CLCN1: variants seen among roughly 807,000 people sequenced by gnomAD.
CLCN1 encodes chloride voltage-gated channel 1, also known as chloride channel protein 1.
CLCN1 carries 100 observed loss-of-function variants against 114.5 expected under a neutral mutation model. The ratio of observed to expected loss-of-function variants is 0.87; its 90% confidence interval spans 0.74 to 1.03. CLCN1 has a LOEUF of 1.03. CLCN1 is among the 50% of genes least tolerant of loss of function. CLCN1 has a pLI of 0.00. For missense variants in CLCN1, 1,188 were observed against 1,250.0 expected (o/e 0.95, Z 0.75); for synonymous variants, 485 against 487.1 (o/e 1.00, Z 0.06).
intron 1 of CLCN1, among the ~76,000 whole-genome samples, chr7:143,317,020 C>G (rs1026540829): frequency 2.6e-5 from 4 of 152,130 alleles, no homozygotes; most frequent in African/African-American, 9.7e-5. Flanking sequence ...CAGAAGCATG[C>G]AGGCTAATTA....
At chr7:143,336,015 G>T (rs1339811928) in intron 12 of CLCN1, among the ~76,000 whole-genome samples, 1 of 152,124 alleles carries the variant, frequency 6.6e-6, no homozygotes, top group Non-Finnish European at 1.5e-5. Flanking sequence ...TTAATCTCAT[G>T]ACGTGGAAAG....
rs143825889 is a variant in CLCN1 at position 143,342,073 on chromosome 7, C to G, written c.1727C>G (p.Ser576Cys). The G allele has an allele frequency of 5.0e-6, 8 of 1,614,090 alleles. No individual in the cohort carries two copies. Among genetic ancestry groups the G allele is most frequent in the African/African-American group, 1.3e-5 (1 of 74,930 alleles). The change falls in exon 15 of 23, where the codon TCT (serine) becomes TGT (cysteine). Residue 576 changes from serine (S) to cysteine (C), a missense_variant. By Grantham distance (112) the Ser-to-Cys change is moderately radical (BLOSUM62 -1). Transcript: ENST00000343257. ...ANMVAQSLQP[S>C]LYDSIIQVKK... ...ATGGTGGCCCAGAGCCTGCAGCCCT[C>G]TCTCTATGACAGCATCATCCAGGTC...
rs776173406 is a variant in CLCN1 at position 143,323,318 on chromosome 7, G to C, written c.706G>C (p.Val236Leu). 1 of 1,612,474 alleles carries C rather than the reference G, an allele frequency of 6.2e-7. No homozygotes were observed. Among genetic ancestry groups the C allele is most frequent in the Non-Finnish European group, 8.5e-7 (1 of 1,178,722 alleles). The change falls in exon 6 of 23, where the codon GTC becomes CTC. Residue 236 changes from valine (V) to leucine (L), a missense_variant. Coordinates refer to ENST00000343257, the MANE Select transcript of CLCN1 (RefSeq NM_000083.3). ...GIPVGKEGPF[V>L]HIASICAAVL... ...GCTCCCCCTCTCCCAGGGCCCCTTC[G>C]TCCACATTGCCAGCATCTGTGCTGC...
rs1586508417 is a variant in CLCN1, at chr7:143,339,943, T to C, written c.1582+322T>C. ...ATCATGGAACCAACAATGCAGGTGA[T>C]TGGCTCAGGTTGCAGGTGATTGACT... On this transcript the variant is annotated intron_variant, in intron 14 of 22. Transcript: ENST00000343257. The surrounding 1 kb of genome is among the most constrained non-coding windows in gnomAD (Gnocchi z 4.1). Among the ~76,000 whole-genome samples, 1 of 152,154 alleles carries C rather than the reference T, an allele frequency of 6.6e-6. No homozygotes were observed. Among genetic ancestry groups the C allele is most frequent in the African/African-American group, 2.4e-5 (1 of 41,436 alleles).
At chr7:143,345,787 G>A (rs1393183031) in intron 17 of CLCN1, 25 bp downstream of exon 17, 1 of 1,605,236 alleles carries the variant, frequency 6.2e-7, no homozygotes, top group Non-Finnish European at 8.5e-7. Flanking sequence ...AAGGGCTAGG[G>A]AGTGGGATAG....
At chr7:143,346,981 T>C (rs1803267117) in intron 20 of CLCN1, 32 bp downstream of exon 20, 1 of 1,580,794 alleles carries the variant, frequency 6.3e-7, no homozygotes, top group South Asian at 1.1e-5. Flanking sequence ...CTGGGGTGGA[T>C]TGTTCTATCA....
Position 143,351,898 on chromosome 7 carries a change from C to T in CLCN1, c.2900C>T (p.Ala967Val). 1 of 1,613,930 alleles carries T rather than the reference C, an allele frequency of 6.2e-7. No individual in the cohort carries two copies. Reference sequence around the variant, plus strand: ...AGTCCAGGGCTGGAAGAGGAGCTGGCCGACATCTTGCAGGGCCCCAGCCTG... The same window carrying T: ...AGTCCAGGGCTGGAAGAGGAGCTGGTCGACATCTTGCAGGGCCCCAGCCTG... ...VESPGLEEEL[A>V]DILQGPSLRS... Residue 967 changes from alanine to valine, a missense_variant, in exon 23 of 23, where the codon GCC becomes GTC. Transcript: ENST00000343257.
intron 12 of CLCN1, 76 bp downstream of exon 12, chr7:143,332,949 A>G (rs1802770736): frequency 6.8e-7 from 1 of 1,479,722 alleles, no homozygotes; most frequent in South Asian, 1.1e-5. Flanking sequence ...TGCATAGGGT[A>G]GGAAGGGGTA....
In CLCN1 at chr7:143,321,885, G is replaced by T; in HGVS notation, c.696+37G>T. 1 of 1,607,268 alleles carries T rather than the reference G, an allele frequency of 6.2e-7. No individual in the cohort carries two copies. Among genetic ancestry groups the T allele is most frequent in the East Asian group, 2.2e-5 (1 of 44,704 alleles). ...ATGACTGAAGCCAGAGCTGGGAGGG[G>T]CCCTCAGGAGCCAGGGTGGCACCAA... On this transcript the variant is annotated intron_variant, in intron 5 of 22. Coordinates refer to ENST00000343257, the MANE Select transcript of CLCN1 (RefSeq NM_000083.3). This position sits in a 1 kb window ranked among gnomAD's most constrained non-coding sequence, Gnocchi z 4.2.
At position 143,319,772 on chromosome 7, in the gene CLCN1, A is replaced by G; in HGVS notation, c.198A>G (p.Lys66=). 6.2e-7 allele frequency: 1 copy of G among 1,614,010 alleles called. No individual in the cohort carries two copies. Among genetic ancestry groups the G allele is most frequent in the East Asian group, 2.2e-5 (1 of 44,880 alleles). Residue 66 remains lysine (K), a synonymous_variant, in exon 2 of 23, where the codon AAA becomes AAG. Coordinates refer to ENST00000343257, the MANE Select transcript of CLCN1 (RefSeq NM_000083.3). The part of the protein sequence containing the change: ...VHPTQIYGHH[K]EQFSDREQDI... ...CTGTCCAGATTTATGGCCATCACAA[A>G]GAACAATTCTCAGACAGGGAGCAGG...
rs962922431 is a variant in CLCN1 at position 143,328,048 on chromosome 7, A to G, written c.854-2724A>G. On this transcript the variant is annotated intron_variant, in intron 7 of 22. Transcript: ENST00000343257. Reference sequence around the variant, plus strand: ...GGGCAATTGGGTCGATAGTGGTGTTAGTAACCAAGACTGGGTATATGGGAA... The same window carrying G: ...GGGCAATTGGGTCGATAGTGGTGTTGGTAACCAAGACTGGGTATATGGGAA... Among the ~76,000 whole-genome samples the G allele has an allele frequency of 3.9e-5, 6 of 152,208 alleles. No individual in the cohort carries two copies. In the South Asian group the frequency reaches 1.0e-3, roughly 26 times the overall value.
rs1563071785 is a variant in CLCN1 at position 143,316,196 on chromosome 7, G to T, written c.-17G>T. On this transcript the variant is annotated 5_prime_UTR_variant, in exon 1 of 23. Transcript: ENST00000343257. ...GCAAGCAGGCCAAGGCCTGGCCGGG[G>T]CTCGGGGGGAGGGAATATGGAGCAA... 1.2e-6 allele frequency: 2 copies of T among 1,607,476 alleles called. No individual in the cohort carries two copies. The highest frequency in any genetic ancestry group is 2.2e-5 in the South Asian group (2 of 91,014).
chr7:143,346,277 A>G, intron 18 of CLCN1, 26 bp downstream of exon 18: 1 of 1,478,452 alleles, frequency 6.8e-7, no homozygotes, highest in African/African-American at 1.4e-5. Flanking sequence ...CATGCACCCC[A>G]ACTCACCCCT....
rs769811983 is a variant in CLCN1, at chr7:143,345,714, C to T, written c.2124C>T (p.Phe708=). ...CGCCTCCAGGCCGGCCCGAGTCCTT[C>T]GCCTTTGTGGATGAGGATGAGGACG... ...PGAPPGRPES[F]AFVDEDEDED... is the part of the protein sequence containing the mutation. Residue 708 remains phenylalanine, a synonymous_variant, in exon 17 of 23, where the codon TTC becomes TTT. Coordinates refer to ENST00000343257, the MANE Select transcript of CLCN1 (RefSeq NM_000083.3). 9.5e-5 allele frequency: 149 copies of T among 1,574,976 alleles called. No homozygotes were observed. In the East Asian group the frequency reaches 3.4e-3, roughly 36 times the overall value.
intron 12 of CLCN1, 69 bp downstream of exon 12, chr7:143,332,942 A>G: frequency 1.3e-6 from 2 of 1,540,658 alleles, no homozygotes; most frequent in Non-Finnish European, 1.8e-6. Flanking sequence ...CAGGGTTTGC[A>G]TAGGGTAGGA....
At chr7:143,342,581 T>A in intron 16 of CLCN1, 76 bp downstream of exon 16, 1 of 1,491,792 alleles carries the variant, frequency 6.7e-7, no homozygotes, top group Non-Finnish European at 9.3e-7. Flanking sequence ...GGAGGCCCCA[T>A]GGTGGGGGCT....
intron 7 of CLCN1, among the ~76,000 whole-genome samples, chr7:143,326,557 C>T (rs895664684): frequency 6.6e-6 from 1 of 152,084 alleles, no homozygotes. Context: ...GGGTAAAGTG[C>T]AGTGGGGACC....
In CLCN1 at chr7:143,321,977, C is replaced by A; in HGVS notation, c.696+129C>A. On this transcript the variant is annotated intron_variant, in intron 5 of 22. Transcript: ENST00000343257. The surrounding 1 kb of genome is among the most constrained non-coding windows in gnomAD (Gnocchi z 4.2). ...GGACCAAGGCCAGGGCCAGGGGACA[C>A]TAGGAAGGGGAAATGCTTTGGAAGT... 1 of 1,033,042 alleles carries A rather than the reference C, an allele frequency of 9.7e-7. No homozygotes were observed. Among genetic ancestry groups the A allele is most frequent in the Non-Finnish European group, 1.4e-6 (1 of 718,348 alleles). The allele number at this position is 1,033,042 out of a possible 1,614,324, so 64.0% of individuals were successfully genotyped here. A position where few individuals can be genotyped will look rare whatever the true frequency, so the allele number is the denominator to read the frequency against.
At chr7:143,342,908 G>T (rs1464960928) in intron 16 of CLCN1, among the ~76,000 whole-genome samples, 6 of 151,710 alleles carry the variant, frequency 4.0e-5, no homozygotes, top group Admixed American at 3.9e-4. Context: ...ACTGCAGCCT[G>T]GGCAACAAGA....
Sources: gnomAD v4.1 joint callset for allele counts (sites outside exome capture counted in the v4.1 genomes callset) on GRCh38, gnomAD v4.1.1 for gene constraint, Gnocchi (gnomAD v3.1) non-coding constraint, MANE v1.5 for transcripts, NCBI Gene and HGNC (gene_info 2026-07-23, HGNC 2026-07-21) for gene names.